ATL1: variants seen among roughly 807,000 people sequenced by gnomAD.
The protein encoded by ATL1 is atlastin-1.
ATL1 carries 31 observed loss-of-function variants against 75.5 expected under a neutral mutation model. The ratio of observed to expected loss-of-function variants is 0.41; its 90% CI spans 0.31 to 0.55. ATL1 has a LOEUF of 0.55. ATL1 is among the 20% of genes least tolerant of loss of function. The pLI, the probability that ATL1 is intolerant of heterozygous loss-of-function variation, is 0.27. For synonymous variants in ATL1, 226 were observed against 233.3 expected, an observed-to-expected ratio of 0.97 and a Z score of 0.28; for missense variants, 405 against 662.6, an observed-to-expected ratio of 0.61 and a Z score of 4.27.
intron 1 of ATL1, among the ~76,000 whole-genome samples, chr14:50,567,899 C>T (rs3015462): frequency 1.3e-5 from 2 of 152,018 alleles, no homozygotes; most frequent in African/African-American, 4.8e-5. Context: ...AATATGTGGA[C>T]TCCCTTATAG....
In ATL1 at chr14:50,588,000, T is replaced by C. The variant is rs776429880; in HGVS notation, c.204T>C (p.Val68=). The C allele has an allele frequency of 6.2e-7, 1 of 1,614,196 alleles. No homozygotes were observed. The highest frequency in any genetic ancestry group is 8.5e-7 in the Non-Finnish European group (1 of 1,180,036). The part of the protein sequence containing the change: ...LSEAVRDKEV[V]AVSVAGAFRK... ...AGGCTGTCAGAGACAAGGAGGTTGT[T>C]GCTGTATCTGTTGCTGGAGCATTTA... Residue 68 remains valine, a synonymous_variant, in exon 2 of 14, where the codon GTT becomes GTC. Coordinates refer to ENST00000358385, the MANE Select transcript of ATL1 (RefSeq NM_015915.5).
intron 1 of ATL1, among the ~76,000 whole-genome samples, chr14:50,541,530 A>T (rs1488277752): frequency 6.6e-6 from 1 of 152,186 alleles, no homozygotes; most frequent in African/African-American, 2.4e-5. Context: ...TCTTTGACCC[A>T]TGTAACCTGT....
chr14:50,606,231 G>T (rs1323057944), intron 6 of ATL1, among the ~76,000 whole-genome samples: 1 of 151,904 alleles, frequency 6.6e-6, no homozygotes, highest in African/African-American at 2.4e-5. Flanking sequence ...AATATTTAAA[G>T]AGCTCCTCTT....
chr14:50,609,286 G>A (rs1595611916), intron 6 of ATL1, among the ~76,000 whole-genome samples: 2 of 151,976 alleles, frequency 1.3e-5, no homozygotes, highest in South Asian at 2.1e-4. Flanking sequence ...GACTAAATGC[G>A]GGACAAAAGG....
At chr14:50,598,055 C>T (rs1332319810) in intron 6 of ATL1, among the ~76,000 whole-genome samples, 1 of 152,026 alleles carries the variant, frequency 6.6e-6, no homozygotes, top group African/African-American at 2.4e-5. Context: ...AATATATATA[C>T]CATTCACAAT....
chr14:50,586,874 T>A lies in ATL1; in HGVS notation c.35-957T>A, dbSNP rs1161155096. On this transcript the variant is annotated intron_variant, in intron 1 of 13. Transcript: ENST00000358385. ...ATTAGATTCTTAATTTTCTCATGTG[T>A]CAAAAATACAGATAATAATAAATAC... is the stretch of plus-strand genomic sequence containing the variant. 2.0e-5 allele frequency among the ~76,000 whole-genome samples: 3 copies of A among 152,138 alleles called. No individual in the cohort carries two copies. The East Asian group carries it at 5.8e-4, about 29-fold the overall frequency.
At chr14:50,552,084 C>T (rs1419284285) in intron 1 of ATL1, among the ~76,000 whole-genome samples, 1 of 151,978 alleles carries the variant, frequency 6.6e-6, no homozygotes, top group Non-Finnish European at 1.5e-5. Context: ...TGCTGTTCGC[C>T]GATGATATGA....
chr14:50,622,003 G>A, intron 10 of ATL1, 104 bp downstream of exon 10: 5 of 833,546 alleles, frequency 6.0e-6, no homozygotes, highest in Non-Finnish European at 1.0e-5. Flanking sequence ...TAATTTATTG[G>A]AAGATTATTT....
chr14:50,594,001 G>A, intron 5 of ATL1, 105 bp downstream of exon 5: 5 of 880,196 alleles, frequency 5.7e-6, no homozygotes, highest in Non-Finnish European at 7.3e-6. Flanking sequence ...TGATTCTGCT[G>A]TTTAAACAGG....
intron 1 of ATL1, among the ~76,000 whole-genome samples, chr14:50,572,522 TG>T (rs1220547316): frequency 8.5e-5 from 13 of 152,174 alleles, no homozygotes; most frequent in African/African-American, 3.1e-4. Context: ...TGCTTAATTT[TG>T]TTTATGTGTA....
chr14:50,589,959 A>G (rs780471357), intron 2 of ATL1, among the ~76,000 whole-genome samples: 17 of 152,232 alleles, frequency 1.1e-4, no homozygotes, highest in Non-Finnish European at 2.5e-4. Flanking sequence ...ACAGATATCA[A>G]AATGGGGGTA....
At chr14:50,609,917 T>C (rs2039348235) in intron 6 of ATL1, among the ~76,000 whole-genome samples, 1 of 152,058 alleles carries the variant, frequency 6.6e-6, no homozygotes, top group Non-Finnish European at 1.5e-5. Context: ...TACTAGCCAG[T>C]TTTTTGAATT....
chr14:50,553,169 G>A (rs191408607), intron 1 of ATL1, among the ~76,000 whole-genome samples: 230 of 151,718 alleles, frequency 1.5e-3, no homozygotes, highest in Middle Eastern at 0.01. Context: ...GGTGGTGTGT[G>A]CCTGTAGTCA....
chr14:50,599,234 G>T (rs897576174), intron 6 of ATL1, among the ~76,000 whole-genome samples: 20 of 152,112 alleles, frequency 1.3e-4, no homozygotes, highest in Non-Finnish European at 2.9e-4. Context: ...ACCAAAACCT[G>T]GTTCCCAATC....
intron 2 of ATL1, among the ~76,000 whole-genome samples, chr14:50,590,265 C>T (rs551187074): frequency 1.3e-5 from 2 of 152,192 alleles, no homozygotes. Context: ...AGAATAGTAT[C>T]TTTCTACCAC....
At chr14:50,550,085 G>A (rs758143514) in intron 1 of ATL1, among the ~76,000 whole-genome samples, 9 of 152,202 alleles carry the variant, frequency 5.9e-5, no homozygotes, top group Non-Finnish European at 1.3e-4. Flanking sequence ...TGGAGGATAA[G>A]TGATCCCAGC....
At chr14:50,607,001 C>A (rs1456111497) in intron 6 of ATL1, among the ~76,000 whole-genome samples, 1 of 152,000 alleles carries the variant, frequency 6.6e-6, no homozygotes, top group Non-Finnish European at 1.5e-5. Flanking sequence ...GGACTAATGA[C>A]CCTATATAAA....
At chr14:50,534,888 C>T (rs190245086) in intron 1 of ATL1, among the ~76,000 whole-genome samples, 34 of 152,300 alleles carry the variant, frequency 2.2e-4, no homozygotes, top group African/African-American at 6.5e-4. Flanking sequence ...TAAATGTACA[C>T]TGAGTAAATT....
At chr14:50,580,566 T>C (rs935770122) in intron 1 of ATL1, among the ~76,000 whole-genome samples, 2 of 152,152 alleles carry the variant, frequency 1.3e-5, no homozygotes, top group African/African-American at 2.4e-5. Flanking sequence ...ATAGATACCA[T>C]GTGTTTGTGA....
Sources: allele counts gnomAD v4.1 joint callset (sites outside exome capture counted in the v4.1 genomes callset), GRCh38; gene constraint gnomAD v4.1.1; transcripts MANE v1.5; gene names NCBI Gene and HGNC (gene_info 2026-07-23, HGNC 2026-07-21).